The following NFIX variants were observed in gnomAD, a reference collection of about 807,000 sequenced individuals.
NFIX encodes nuclear factor 1 X-type.
NFIX carries 2 observed loss-of-function variants against 53.3 expected under a neutral mutation model. That is an observed-to-expected ratio of 0.04 (90% CI 0.02 to 0.12). The LOEUF (loss-of-function observed/expected upper bound fraction) is 0.12. Among genes scored for constraint, NFIX ranks in the 10% least tolerant of loss-of-function variants. The probability of loss-of-function intolerance (pLI) is 1.00; values close to 1 mark genes in which losing one functional copy is unlikely to be tolerated. For synonymous variants in NFIX, 244 were observed against 289.0 expected (o/e 0.84, Z 1.58); for missense variants, 310 against 674.5 (o/e 0.46, Z 5.99).
chr19:13,023,759 CCTTT>C (rs1009431281), intron 1 of NFIX, among the ~76,000 whole-genome samples: 8 of 150,188 alleles, frequency 5.3e-5, no homozygotes, highest in African/African-American at 2.0e-4. Flanking sequence ...CTATCCCTGA[CCTTT>C]CTTTCTTTTT....
chr19:13,048,082 T>C (rs546595684), intron 2 of NFIX, among the ~76,000 whole-genome samples: 62 of 152,372 alleles, frequency 4.1e-4, no homozygotes, highest in African/African-American at 1.3e-3. Context: ...CCTTGTGTTA[T>C]GCCTAGAAGC....
chr19:13,058,251 G>T (rs2015837336), intron 2 of NFIX, among the ~76,000 whole-genome samples: 1 of 152,104 alleles, frequency 6.6e-6, no homozygotes, highest in African/African-American at 2.4e-5. Context: ...TCTGTCCTCA[G>T]GAAAGCCCTC....
At chr19:13,033,877 G>A (rs2013990957) in intron 2 of NFIX, among the ~76,000 whole-genome samples, 1 of 152,220 alleles carries the variant, frequency 6.6e-6, no homozygotes, top group Non-Finnish European at 1.5e-5. Flanking sequence ...AAGACAGTGA[G>A]GAATTAGCTC....
rs1422606340 is a variant in NFIX, at chr19:12,998,625, A to G, written c.27+2761A>G. On this transcript the variant is annotated intron_variant, in intron 1 of 10. Transcript: ENST00000592199. This position sits in a 1 kb window ranked among gnomAD's most constrained non-coding sequence, Gnocchi z 4.4. ...CCCCATCCCCATCCCAACCCTGCCA[A>G]GAAACAGAGACACAACCAGGATGTG... Among the ~76,000 whole-genome samples the G allele has an allele frequency of 1.3e-5, 2 of 152,112 alleles. No homozygotes were observed. The highest frequency in any genetic ancestry group is 1.3e-4 in the Admixed American group (2 of 15,270).
chr19:13,031,957 C>T (rs559359751), intron 2 of NFIX, among the ~76,000 whole-genome samples: 32 of 152,252 alleles, frequency 2.1e-4, no homozygotes, highest in South Asian at 6.2e-4. Flanking sequence ...TCTCTTTGCC[C>T]TGTCCGTCCC....
intron 1 of NFIX, among the ~76,000 whole-genome samples, chr19:13,017,436 C>G (rs1047533008): frequency 6.6e-6 from 1 of 152,202 alleles, no homozygotes; most frequent in Non-Finnish European, 1.5e-5. Flanking sequence ...GAAGCAATTG[C>G]AAGAAAGAGG....
At chr19:13,087,930 G>A (rs1428432767) in intron 8 of NFIX, 59 bp from the exon 9 acceptor site, 2 of 1,530,828 alleles carry the variant, frequency 1.3e-6, no homozygotes, top group African/African-American at 1.4e-5. Context: ...GCCGCGCAGG[G>A]GAGCGTGTGT....
At chr19:13,056,917 T>A (rs2015733650) in intron 2 of NFIX, among the ~76,000 whole-genome samples, 1 of 152,246 alleles carries the variant, frequency 6.6e-6, no homozygotes, top group Non-Finnish European at 1.5e-5. Flanking sequence ...AACAGGAGGT[T>A]CCACCTGCTT....
At chr19:13,082,995 T>C (rs943482423) in intron 8 of NFIX, among the ~76,000 whole-genome samples, 3 of 152,190 alleles carry the variant, frequency 2.0e-5, no homozygotes, top group East Asian at 3.9e-4. Flanking sequence ...GCCTCCTCAC[T>C]CTGTCCCTAA....
In NFIX at chr19:13,023,730, C is replaced by T. The variant is rs1159284725; in HGVS notation, c.28-1291C>T. Among the ~76,000 whole-genome samples, 6 of 149,076 alleles carry T rather than the reference C, an allele frequency of 4.0e-5. No homozygotes were observed. The South Asian group carries it at 8.4e-4, about 21-fold the overall frequency. ...TACCTGGCGTGTGTGGCAGCCGGCT[C>T]GCTCCCTCTCTCTGCTTGCTATCCC... On this transcript the variant is annotated intron_variant, in intron 1 of 10. Coordinates refer to ENST00000592199, the MANE Select transcript of NFIX (RefSeq NM_001365902.3).
chr19:13,019,728 T>G (rs1289903599), intron 1 of NFIX, among the ~76,000 whole-genome samples: 3 of 132,808 alleles, frequency 2.3e-5, no homozygotes, highest in African/African-American at 5.8e-5. Context: ...TTTTTGTTTG[T>G]TTGTTTTTTT....
intron 2 of NFIX, among the ~76,000 whole-genome samples, chr19:13,032,091 G>C (rs921489698): frequency 4.6e-5 from 7 of 152,232 alleles, no homozygotes; most frequent in Non-Finnish European, 1.0e-4. Context: ...CGCACAAAAG[G>C]CCTCTTTGAT....
At chr19:13,030,588 C>G (rs968007070) in intron 2 of NFIX, among the ~76,000 whole-genome samples, 24 of 152,188 alleles carry the variant, frequency 1.6e-4, no homozygotes, top group African/African-American at 5.8e-4. Context: ...TCCTCTCCAG[C>G]CTGAATATCA....
chr19:13,050,429 T>C (rs930659695), intron 2 of NFIX, among the ~76,000 whole-genome samples: 3 of 152,260 alleles, frequency 2.0e-5, no homozygotes, highest in Non-Finnish European at 2.9e-5. Flanking sequence ...TCCCTCCCTC[T>C]GAGGGGGCCT....
intron 2 of NFIX, among the ~76,000 whole-genome samples, chr19:13,048,576 A>G (rs2015137170): frequency 1.3e-5 from 2 of 152,262 alleles, no homozygotes; most frequent in East Asian, 1.9e-4. Context: ...TAAAGTGTAC[A>G]AGGCCAGGCA....
At chr19:13,033,547 C>T (rs1442198538) in intron 2 of NFIX, among the ~76,000 whole-genome samples, 2 of 152,230 alleles carry the variant, frequency 1.3e-5, no homozygotes, top group African/African-American at 2.4e-5. Flanking sequence ...TATTTGGGGA[C>T]ACCCAATAAC....
Position 13,013,446 on chromosome 19 carries a change from A to G in NFIX, c.28-11575A>G, listed in dbSNP as rs1367221814. On this transcript the variant is annotated intron_variant, in intron 1 of 10. Transcript: ENST00000592199. The surrounding 1 kb of genome is among the most constrained non-coding windows in gnomAD (Gnocchi z 5.9). Reference sequence around the variant, plus strand: ...TACTTAAATGAGCTTTGATGGTGTTAGGTCCTTTTCCACGTGCGGATGACT... The same window carrying G: ...TACTTAAATGAGCTTTGATGGTGTTGGGTCCTTTTCCACGTGCGGATGACT... Among the ~76,000 whole-genome samples the G allele has an allele frequency of 1.3e-5, 2 of 152,102 alleles. No homozygotes were observed. The highest frequency in any genetic ancestry group is 2.9e-5 in the Non-Finnish European group (2 of 68,036).
chr19:13,048,381 C>T (rs1467740517), intron 2 of NFIX, among the ~76,000 whole-genome samples: 2 of 152,156 alleles, frequency 1.3e-5, no homozygotes, highest in Non-Finnish European at 2.9e-5. Flanking sequence ...GCACTTGAGC[C>T]CTCACAACCA....
Position 13,014,860 on chromosome 19 carries a change from TGGGCTGGTGGTAGG to T in NFIX, c.28-10146_28-10133del, listed in dbSNP as rs552657276. On this transcript the variant is annotated intron_variant, in intron 1 of 10. Coordinates refer to ENST00000592199, the MANE Select transcript of NFIX (RefSeq NM_001365902.3). The surrounding 1 kb of genome is among the most constrained non-coding windows in gnomAD (Gnocchi z 4.4). ...TATCAGGGCTGCAGAGGTTCGGCTC[TGGGCTGGTGGTAGG>T]GGGCTGGTGGTAGGCGAGGTGGCTG... 1.3e-3 allele frequency among the ~76,000 whole-genome samples: 204 copies of T among 152,236 alleles called. No homozygotes were observed. The highest frequency in any genetic ancestry group is 4.3e-3 in the African/African-American group (180 of 41,556).
Sources: gnomAD v4.1 joint callset for allele counts (sites outside exome capture counted in the v4.1 genomes callset) on GRCh38, gnomAD v4.1.1 for gene constraint, Gnocchi (gnomAD v3.1) non-coding constraint, MANE v1.5 for transcripts, NCBI Gene and HGNC (gene_info 2026-07-23, HGNC 2026-07-21) for gene names.